Variants in WDHD1 observed in about 807,000 individuals in gnomAD.
WDHD1 encodes WD repeat and HMG-box DNA-binding protein 1.
Under a neutral mutation model 135.4 loss-of-function variants are expected in WDHD1, and 111 were observed. The ratio of observed to expected loss-of-function variants is 0.82; its 90% CI spans 0.70 to 0.96. The LOEUF (loss-of-function observed/expected upper bound fraction) is 0.96. Ranked by LOEUF, WDHD1 falls within the 40% of genes least tolerant of loss-of-function variation. The pLI, the probability that WDHD1 is intolerant of heterozygous loss-of-function variation, is 0.00. For missense variants in WDHD1, 1,351 were observed against 1,336.3 expected, an observed-to-expected ratio of 1.01 and a Z score of -0.17; for synonymous variants, 434 against 439.0, an observed-to-expected ratio of 0.99 and a Z score of 0.14.
intron 3 of WDHD1, among the ~76,000 whole-genome samples, chr14:55,012,972 A>C (rs941397142): frequency 3.9e-5 from 6 of 152,200 alleles, no homozygotes; most frequent in African/African-American, 1.4e-4. Context: ...AAAGGAAAAA[A>C]GGGAACATTT....
rs2041864070 is a variant in WDHD1, at chr14:54,995,587, A to G, written c.1153+16T>C. On this transcript the variant is annotated intron_variant, in intron 11 of 25. Transcript: ENST00000360586. ...TAATCAACAGGGTAATCACATGCACAAAGTCAAATTCTTACCAACTGAGTT... is the reference window on the plus strand; with the variant it reads ...TAATCAACAGGGTAATCACATGCACGAAGTCAAATTCTTACCAACTGAGTT... 1 of 1,565,860 alleles carries G rather than the reference A, an allele frequency of 6.4e-7. No individual in the cohort carries two copies. Among genetic ancestry groups the G allele is most frequent in the Non-Finnish European group, 8.6e-7 (1 of 1,156,626 alleles).
At position 54,981,590 on chromosome 14, in the gene WDHD1, T is replaced by C; in HGVS notation, c.2013A>G (p.Lys671=). 1.2e-6 allele frequency: 2 copies of C among 1,613,686 alleles called. No individual in the cohort carries two copies. The highest frequency in any genetic ancestry group is 1.7e-6 in the Non-Finnish European group (2 of 1,179,872). The stretch of plus-strand genomic sequence containing the variant: ...TACCAACCACCCAGTAGTGATCAGA[T>C]TTTCCTTTGCAGTGCTCTCTTGTAT... The part of the protein sequence containing the change: ...ICNTREHCKG[K]SDHYWVVGIH... Residue 671 remains lysine, a synonymous_variant, in exon 16 of 26, where the codon AAA becomes AAG. Coordinates refer to ENST00000360586, the MANE Select transcript of WDHD1 (RefSeq NM_007086.4).
rs1348174363 is a variant in WDHD1 at position 54,941,608 on chromosome 14, T to A, written c.3272A>T (p.Asp1091Val). 3.1e-6 allele frequency: 5 copies of A among 1,614,068 alleles called. No individual in the cohort carries two copies. Among genetic ancestry groups the A allele is most frequent in the Non-Finnish European group, 4.2e-6 (5 of 1,179,964 alleles). The change falls in exon 26 of 26, where the codon GAT (aspartate) becomes GTT (valine). Residue 1091 changes from aspartate (D) to valine (V), a missense_variant. Coordinates refer to ENST00000360586, the MANE Select transcript of WDHD1 (RefSeq NM_007086.4). ...KKRKRVVDES[D>V]ETENQEEKAK... ...TTTTTCTTCCTGGTTTTCTGTTTCA[T>A]CACTTTCATCAACCACACGTTTTCG...
chr14:54,996,433 C>A (rs183967414), intron 10 of WDHD1, among the ~76,000 whole-genome samples: 6 of 151,340 alleles, frequency 4.0e-5, no homozygotes, highest in Admixed American at 3.3e-4. Flanking sequence ...CATGATGAAA[C>A]CTCATCTCCA....
chr14:54,962,867 A>T lies in WDHD1; in HGVS notation c.2532-14T>A. 6.2e-7 allele frequency: 1 copy of T among 1,611,232 alleles called. No homozygotes were observed. The highest frequency in any genetic ancestry group is 8.5e-7 in the Non-Finnish European group (1 of 1,179,606). On this transcript the variant is annotated splice_polypyrimidine_tract_variant and intron_variant, in intron 19 of 25. Coordinates refer to ENST00000360586, the MANE Select transcript of WDHD1 (RefSeq NM_007086.4). Reference sequence around the variant, plus strand: ...GTATTGCTGTAACTAAGAGAAAATAATATTATTCAATAAAGAGCTATGCAA... The same window carrying T: ...GTATTGCTGTAACTAAGAGAAAATATTATTATTCAATAAAGAGCTATGCAA...
At chr14:54,957,888 C>T (rs534335533) in intron 21 of WDHD1, among the ~76,000 whole-genome samples, 5 of 152,288 alleles carry the variant, frequency 3.3e-5, no homozygotes, top group South Asian at 2.1e-4. Context: ...TCTGTTACTG[C>T]GGAAGAGTGG....
At chr14:55,020,567 A>G (rs1427830864) in intron 2 of WDHD1, among the ~76,000 whole-genome samples, 3 of 152,102 alleles carry the variant, frequency 2.0e-5, no homozygotes, top group African/African-American at 7.2e-5. Flanking sequence ...TCCCTAGGTG[A>G]CTTCATCCAA....
At chr14:54,996,740 T>A (rs2041885958) in intron 10 of WDHD1, among the ~76,000 whole-genome samples, 1 of 152,120 alleles carries the variant, frequency 6.6e-6, no homozygotes, top group African/African-American at 2.4e-5. Flanking sequence ...ATAAGTCTAA[T>A]GAGAACACCA....
chr14:54,993,943 C>A (rs2041836873), intron 11 of WDHD1, among the ~76,000 whole-genome samples: 1 of 152,048 alleles, frequency 6.6e-6, no homozygotes, highest in African/African-American at 2.4e-5. Flanking sequence ...CTACTGAGAC[C>A]AAAACATTTG....
intron 25 of WDHD1, among the ~76,000 whole-genome samples, chr14:54,943,373 A>C (rs1169549358): frequency 6.6e-6 from 1 of 152,150 alleles, no homozygotes; most frequent in East Asian, 1.9e-4. Flanking sequence ...GTATTCAAAA[A>C]ATGTGAATTC....
chr14:54,987,334 A>G lies in WDHD1; in HGVS notation c.1580T>C (p.Ile527Thr), dbSNP rs754083889. The G allele has an allele frequency of 1.2e-6, 2 of 1,614,068 alleles. No homozygotes were observed. The highest frequency in any genetic ancestry group is 2.2e-5 in the South Asian group (2 of 91,076). ...SSWDSSKEWI[I>T]DLPQNEDIEA... ...AATATCCTCATTCTGAGGCAAGTCTATTATCCACTCTTTGCTTGAATCCCA... is the reference window on the plus strand; with the variant it reads ...AATATCCTCATTCTGAGGCAAGTCTGTTATCCACTCTTTGCTTGAATCCCA... Residue 527 changes from isoleucine (I) to threonine (T), a missense_variant, in exon 14 of 26, where the codon ATA becomes ACA. Ile to Thr is a moderately conservative substitution (Grantham distance 89). Around this residue, in one of 2 missense-constraint regions of WDHD1, gnomAD observed 1,330 missense variants for 1,296.1 expected, o/e 1.03. Coordinates refer to ENST00000360586, the MANE Select transcript of WDHD1 (RefSeq NM_007086.4).
chr14:55,012,127 C>T (rs142923458), intron 3 of WDHD1, among the ~76,000 whole-genome samples: 2 of 152,150 alleles, frequency 1.3e-5, no homozygotes, highest in Admixed American at 1.3e-4. Context: ...AAAAAAAATC[C>T]AATTTTAAAA....
At chr14:54,952,733 C>T (rs1007777705) in intron 24 of WDHD1, among the ~76,000 whole-genome samples, 1 of 151,854 alleles carries the variant, frequency 6.6e-6, no homozygotes, top group Admixed American at 6.6e-5. Context: ...CGCTACCTGA[C>T]TTCAAACTAT....
In WDHD1 at chr14:54,984,843, C is replaced by G. The variant is rs759100856; in HGVS notation, c.1786G>C (p.Asp596His). 6.2e-7 allele frequency: 1 copy of G among 1,612,302 alleles called. No individual in the cohort carries two copies. Among genetic ancestry groups the G allele is most frequent in the Non-Finnish European group, 8.5e-7 (1 of 1,179,388 alleles). Residue 596 changes from aspartate to histidine, a missense_variant, in exon 15 of 26, where the codon GAT becomes CAT. Transcript: ENST00000360586. The part of the protein sequence containing the change: ...VYHRGTGFDG[D>H]QCLGVQLLEL... ...AGCAGTTGAACTCCAAGGCACTGAT[C>G]CCCATCAAATCCTGTACCTAATGAG...
chr14:55,023,115 T>C (rs2042377166), intron 2 of WDHD1, among the ~76,000 whole-genome samples: 1 of 152,078 alleles, frequency 6.6e-6, no homozygotes. Context: ...CACCCGGCCA[T>C]CTTGACATTT....
chr14:54,949,666 T>C (rs552171517), intron 24 of WDHD1, among the ~76,000 whole-genome samples: 1 of 151,812 alleles, frequency 6.6e-6, no homozygotes, highest in Non-Finnish European at 1.5e-5. Flanking sequence ...ACAAAGATAC[T>C]CCTCGAGAAG....
At chr14:54,984,916 A>G (rs1595093278) in intron 14 of WDHD1, 56 bp from the exon 15 acceptor site, 14 of 1,579,140 alleles carry the variant, frequency 8.9e-6, no homozygotes, top group Non-Finnish European at 1.0e-5. Flanking sequence ...ACTATAACGC[A>G]GTCTAAATTA....
Position 55,007,328 on chromosome 14 carries a change from T to C in WDHD1, c.552A>G (p.Ile184Met). ...WPLLQKCNDV[I>M]NAKSICRLAW... ...CAAGTCTGCAGATTGATTTTGCATTTATCACATCGTTGCATTTTTGTAGCA... is the reference window on the plus strand; with the variant it reads ...CAAGTCTGCAGATTGATTTTGCATTCATCACATCGTTGCATTTTTGTAGCA... The change falls in exon 7 of 26, where the codon ATA (isoleucine) becomes ATG (methionine). Residue 184 changes from isoleucine (I) to methionine (M), a missense_variant. This residue lies in a region of WDHD1 where 1,330 missense variants were observed against 1,296.1 expected (regional missense o/e 1.03). Coordinates refer to ENST00000360586, the MANE Select transcript of WDHD1 (RefSeq NM_007086.4). 1.2e-6 allele frequency: 2 copies of C among 1,607,784 alleles called. No individual in the cohort carries two copies. Among genetic ancestry groups the C allele is most frequent in the Non-Finnish European group, 1.7e-6 (2 of 1,178,284 alleles).
At chr14:54,952,076 T>C (rs374330307) in intron 24 of WDHD1, among the ~76,000 whole-genome samples, 3,954 of 152,298 alleles carry the variant, frequency 0.026, 71 homozygotes, top group Middle Eastern at 0.071. Flanking sequence ...CTTTGAAAAC[T>C]GGCACAAGAC....
Sources: allele counts gnomAD v4.1 joint callset (sites outside exome capture counted in the v4.1 genomes callset), GRCh38; gene constraint gnomAD v4.1.1; regional missense constraint gnomAD v4.1.1; transcripts MANE v1.5; gene names NCBI Gene and HGNC (gene_info 2026-07-23, HGNC 2026-07-21).